The following ZNF782 variants were observed in gnomAD, a reference collection of about 807,000 sequenced individuals.
ZNF782 encodes zinc finger protein 782.
A neutral mutation model predicts 13.0 loss-of-function variants in ZNF782; 12 were observed. That is an observed-to-expected ratio of 0.92 (90% CI 0.59 to 1.50). The LOEUF is 1.50. ZNF782 is among the 40% of genes most tolerant of loss of function. The pLI, the probability that ZNF782 is intolerant of heterozygous loss-of-function variation, is 0.00. For missense variants in ZNF782, 770 were observed against 822.9 expected (o/e 0.94, Z 0.79); for synonymous variants, 284 against 283.0 (o/e 1.00, Z -0.04).
upstream of ZNF782, among the ~76,000 whole-genome samples, chr9:96,858,662 A>T (rs935857055): frequency 1.3e-5 from 2 of 152,226 alleles, no homozygotes; most frequent in Admixed American, 1.3e-4. The surrounding 1 kb of genome is among the most constrained non-coding windows in gnomAD (Gnocchi z 4.4). Context: ...AACACCTCAT[A>T]TGAAGATCAA....
rs369014488 is a variant in ZNF782, at chr9:96,818,495, C to T, written c.1528G>A (p.Glu510Lys). ...HTGERPYKCD[E>K]CGKAFKLKSG... ...TTCAGTTTGAAAGCTTTCCCACATT[C>T]ATCACATTTATATGGTCTTTCCCCT... Residue 510 changes from glutamate to lysine, a missense_variant, in exon 6 of 6, where the codon GAA becomes AAA. Glu to Lys is a moderately conservative substitution (Grantham distance 56). Transcript: ENST00000481138. 2.5e-6 allele frequency: 4 copies of T among 1,613,784 alleles called. No individual in the cohort carries two copies. The African/African-American group carries it at 4.0e-5, about 16-fold the overall frequency.
the ZNF782 span, among the ~76,000 whole-genome samples, chr9:96,886,315 G>GA: frequency 6.6e-6 from 1 of 151,858 alleles, no homozygotes; most frequent in African/African-American, 2.4e-5. Context: ...CTTAAGACAG[G>GA]AAAGAGCATC....
chr9:96,933,602 G>A, the ZNF782 span: 2 of 152,068 alleles, frequency 1.3e-5, no homozygotes, highest in African/African-American at 4.8e-5. Flanking sequence ...TTGAACTCCT[G>A]GCCTTGTGAT....
At chr9:96,933,324 C>G in the ZNF782 span, among the ~76,000 whole-genome samples, 1 of 151,548 alleles carries the variant, frequency 6.6e-6, no homozygotes, top group Non-Finnish European at 1.5e-5. Context: ...AGACCCAGGT[C>G]AGAGAGGGTT....
At chr9:96,857,187 C>G (rs527322368), upstream of ZNF782, among the ~76,000 whole-genome samples, 1 of 152,326 alleles carries the variant, frequency 6.6e-6, no homozygotes, top group African/African-American at 2.4e-5. Context: ...TGAGGATTTA[C>G]TGAATGACTT....
chr9:96,852,784 G>C (rs1233445967), intron 2 of ZNF782, 69 bp downstream of exon 2: 7 of 152,652 alleles, frequency 4.6e-5, no homozygotes, highest in Admixed American at 1.3e-4. Context: ...AAGGCAAAGA[G>C]TTTTAGATGT....
chr9:96,826,876 C>T (rs937164115), intron 5 of ZNF782, among the ~76,000 whole-genome samples: 2 of 152,246 alleles, frequency 1.3e-5, no homozygotes, highest in Non-Finnish European at 2.9e-5. Context: ...GTTTAGGAAA[C>T]TGTGCTTGGG....
the ZNF782 span, among the ~76,000 whole-genome samples, chr9:96,912,061 C>T: frequency 1.9e-4 from 29 of 150,932 alleles, no homozygotes; most frequent in East Asian, 5.3e-3. Context: ...ATCAGCCGGG[C>T]GTGGTGGCTC....
the ZNF782 span, among the ~76,000 whole-genome samples, chr9:96,905,904 A>G: frequency 6.6e-6 from 1 of 152,072 alleles, no homozygotes; most frequent in African/African-American, 2.4e-5. Flanking sequence ...CTTTCTTAAT[A>G]AACTTGCTTT....
upstream of ZNF782, among the ~76,000 whole-genome samples, chr9:96,857,695 A>G (rs562924816): frequency 2.1e-3 from 314 of 152,334 alleles, 1 homozygote; most frequent in Non-Finnish European, 3.7e-3. Context: ...ATCTGATGAC[A>G]TGTGAGTTTG....
At chr9:96,838,794 C>A (rs1270311935) in intron 4 of ZNF782, among the ~76,000 whole-genome samples, 1 of 150,980 alleles carries the variant, frequency 6.6e-6, no homozygotes, top group East Asian at 2.0e-4. Context: ...TGGCTCACTG[C>A]AACCTCCGTC....
rs772141080 is a variant in ZNF782, at chr9:96,819,445, A to G, written c.578T>C (p.Val193Ala). The change falls in exon 6 of 6, where the codon GTG becomes GCG. Residue 193 changes from valine (V) to alanine (A), a missense_variant. Physicochemically the swap from Val to Ala is moderately conservative, Grantham distance 64. Transcript: ENST00000481138. ...QEKSFAYSKI[V>A]KTLHHKEEVI... ...TTCCTCCTTATGATGGAGGGTTTTC[A>G]CAATTTTACTATAAGCGAAAGATTT... 5 of 1,613,734 alleles carry G rather than the reference A, an allele frequency of 3.1e-6. No individual in the cohort carries two copies. Among genetic ancestry groups the G allele is most frequent in the Admixed American group, 1.7e-5 (1 of 59,944 alleles).
At chr9:96,906,775 G>T in the ZNF782 span, among the ~76,000 whole-genome samples, 1 of 152,364 alleles carries the variant, frequency 6.6e-6, no homozygotes, top group East Asian at 1.9e-4. Context: ...ACCATTGACC[G>T]CTGGTGATCA....
intron 4 of ZNF782, among the ~76,000 whole-genome samples, chr9:96,830,469 T>G (rs1187211927): frequency 6.6e-6 from 1 of 152,174 alleles, no homozygotes; most frequent in Admixed American, 6.5e-5. Flanking sequence ...ATAATGGGGA[T>G]GCTGAACCAC....
intron 3 of ZNF782, 55 bp downstream of exon 3, chr9:96,851,892 C>G (rs1851498518): frequency 1.3e-6 from 2 of 1,560,068 alleles, no homozygotes; most frequent in African/African-American, 2.7e-5. Flanking sequence ...AAGGGCCTAT[C>G]TAAACCTCAT....
intron 1 of ZNF782, among the ~76,000 whole-genome samples, chr9:96,864,661 T>A (rs1190624626): frequency 6.6e-6 from 1 of 152,118 alleles, no homozygotes; most frequent in Non-Finnish European, 1.5e-5. Flanking sequence ...TTTTATACAA[T>A]TAAGTCTTTA....
chr9:96,917,545 C>T, the ZNF782 span, among the ~76,000 whole-genome samples: 2 of 151,836 alleles, frequency 1.3e-5, no homozygotes, highest in African/African-American at 2.4e-5. Context: ...GATTCTCCTA[C>T]CTTAGCCTCC....
the ZNF782 span, chr9:96,888,775 C>CA: frequency 6.6e-6 from 1 of 152,252 alleles, no homozygotes; most frequent in Admixed American, 6.5e-5. Flanking sequence ...GCATGGTAAG[C>CA]ACTGCTCAGC....
chr9:96,857,982 T>C (rs1851663980), upstream of ZNF782, among the ~76,000 whole-genome samples: 1 of 152,224 alleles, frequency 6.6e-6, no homozygotes, highest in Non-Finnish European at 1.5e-5. Context: ...CAGAACATAA[T>C]AGTACAGTAA....
Sources: allele counts gnomAD v4.1 joint callset (sites outside exome capture counted in the v4.1 genomes callset), GRCh38; gene constraint gnomAD v4.1.1; non-coding constraint Gnocchi (gnomAD v3.1); transcripts MANE v1.5; gene names NCBI Gene and HGNC (gene_info 2026-07-23, HGNC 2026-07-21).